The following MMP26 variants were observed in gnomAD, a reference collection of about 807,000 sequenced individuals.
The protein encoded by MMP26 is matrix metalloproteinase-26.
Under a neutral mutation model 31.0 loss-of-function variants are expected in MMP26, and 33 were observed. That is an observed-to-expected ratio of 1.06 (90% confidence interval 0.81 to 1.42). MMP26 has a LOEUF of 1.42. Ranked by LOEUF, MMP26 falls within the 40% of genes most tolerant of loss-of-function variation. MMP26 has a pLI of 0.00. For missense variants in MMP26, 347 were observed against 316.1 expected (o/e 1.10, Z -0.74); for synonymous variants, 122 against 114.9 (o/e 1.06, Z -0.40).
chr11:4,786,140 T>C (rs1226197758), intron 2 of MMP26, among the ~76,000 whole-genome samples: 1 of 152,132 alleles, frequency 6.6e-6, no homozygotes, highest in Non-Finnish European at 1.5e-5. Context: ...TGTGTGAAAC[T>C]GCAGGACCCT....
At chr11:4,771,259 T>C (rs762699716) in intron 2 of MMP26, among the ~76,000 whole-genome samples, 4 of 152,102 alleles carry the variant, frequency 2.6e-5, no homozygotes, top group Non-Finnish European at 4.4e-5. Context: ...AAGAAAGTAG[T>C]GGGTGATTAA....
In MMP26 at chr11:4,743,041, A is replaced by G. The variant is rs1848335124; in HGVS notation, c.-216-24229A>G. Among the ~76,000 whole-genome samples, 3 of 152,168 alleles carry G rather than the reference A, an allele frequency of 2.0e-5. No homozygotes were observed. In the South Asian group the frequency reaches 6.2e-4, roughly 32 times the overall value. On this transcript the variant is annotated intron_variant, in intron 1 of 7. Transcript: ENST00000380390. The stretch of plus-strand genomic sequence containing the variant: ...AAAAGCTCCATTATGCTACACATCA[A>G]TGCTTTTCTATGGTGGTGAAAATTA...
intron 2 of MMP26, among the ~76,000 whole-genome samples, chr11:4,916,155 A>T (rs1165402929): frequency 4.6e-5 from 2 of 43,240 alleles, no homozygotes; most frequent in African/African-American, 7.5e-5. Context: ...AGTCTCTACT[A>T]AAAAAAAAAA....
At chr11:4,727,347 T>C (rs1008446640) in intron 1 of MMP26, among the ~76,000 whole-genome samples, 2 of 152,174 alleles carry the variant, frequency 1.3e-5, no homozygotes, top group African/African-American at 4.8e-5. Flanking sequence ...CATCACATGG[T>C]CTGTTTAATA....
intron 2 of MMP26, among the ~76,000 whole-genome samples, chr11:4,864,289 A>G (rs1167856077): frequency 6.6e-6 from 1 of 152,186 alleles, no homozygotes; most frequent in Non-Finnish European, 1.5e-5. Context: ...TGCATTAATG[A>G]GGTAATTCTT....
chr11:4,929,717 TA>T (rs1851320645), intron 2 of MMP26, among the ~76,000 whole-genome samples: 1 of 152,142 alleles, frequency 6.6e-6, no homozygotes, highest in Admixed American at 6.6e-5. Flanking sequence ...ACTCATTATT[TA>T]GATGCTTTAG....
intron 2 of MMP26, among the ~76,000 whole-genome samples, chr11:4,823,206 T>C (rs1262995212): frequency 2.6e-5 from 4 of 151,588 alleles, no homozygotes; most frequent in Non-Finnish European, 5.9e-5. Context: ...AAGTGAATAC[T>C]CTGTAGTGAA....
chr11:4,815,149 G>T (rs1849404246), intron 2 of MMP26, among the ~76,000 whole-genome samples: 1 of 152,180 alleles, frequency 6.6e-6, no homozygotes, highest in African/African-American at 2.4e-5. Flanking sequence ...ACACGTGAGG[G>T]GGTGGGTAGA....
intron 2 of MMP26, among the ~76,000 whole-genome samples, chr11:4,837,254 C>T (rs930244433): frequency 4.6e-5 from 7 of 152,144 alleles, no homozygotes; most frequent in Non-Finnish European, 4.4e-5. Flanking sequence ...GTTGTCCATG[C>T]GGGGTTGCAG....
chr11:4,706,750 G>T (rs978006166), intron 1 of MMP26, among the ~76,000 whole-genome samples: 2 of 152,046 alleles, frequency 1.3e-5, no homozygotes, highest in Non-Finnish European at 2.9e-5. Context: ...CTTTATACCT[G>T]TTTAACAGCA....
At chr11:4,869,182 A>C (rs1453942891) in intron 2 of MMP26, among the ~76,000 whole-genome samples, 1 of 152,186 alleles carries the variant, frequency 6.6e-6, no homozygotes, top group African/African-American at 2.4e-5. Flanking sequence ...CTAAAACACC[A>C]AAAGCAATGG....
chr11:4,909,787 G>T (rs1021407904), intron 2 of MMP26, among the ~76,000 whole-genome samples: 1 of 152,112 alleles, frequency 6.6e-6, no homozygotes, highest in Non-Finnish European at 1.5e-5. Context: ...TTCAGTAGCT[G>T]TGCAGTAACT....
intron 2 of MMP26, chr11:4,915,323 A>G (rs1851065689): frequency 1.2e-6 from 2 of 1,614,022 alleles, no homozygotes; most frequent in Non-Finnish European, 1.7e-6. Flanking sequence ...GGACTCGAGG[A>G]AGGAGAAGCA....
chr11:4,893,180 AT>A (rs1263511008), intron 2 of MMP26, among the ~76,000 whole-genome samples: 1 of 152,110 alleles, frequency 6.6e-6, no homozygotes, highest in Non-Finnish European at 1.5e-5. Context: ...TTTATGTTTT[AT>A]ATCAAATATA....
At chr11:4,821,459 T>A (rs1294290766) in intron 2 of MMP26, 1 of 1,613,822 alleles carries the variant, frequency 6.2e-7, no homozygotes, top group East Asian at 2.2e-5. Context: ...GAGCCTCTGA[T>A]CTTCCTCCTG....
intron 2 of MMP26, among the ~76,000 whole-genome samples, chr11:4,924,661 A>T (rs893787273): frequency 6.6e-6 from 1 of 152,224 alleles, no homozygotes; most frequent in African/African-American, 2.4e-5. Flanking sequence ...GAGATATGAT[A>T]CGAGATGTAT....
At chr11:4,906,283 G>A (rs1850886811) in intron 2 of MMP26, among the ~76,000 whole-genome samples, 1 of 152,194 alleles carries the variant, frequency 6.6e-6, no homozygotes, top group Non-Finnish European at 1.5e-5. Context: ...AATATTTACA[G>A]ATACTTGTTT....
rs1564820224 is a variant in MMP26, at chr11:4,988,191, T to A, written c.-21T>A. 1 of 1,610,434 alleles carries A rather than the reference T, an allele frequency of 6.2e-7. No homozygotes were observed. Among genetic ancestry groups the A allele is most frequent in the Admixed American group, 1.7e-5 (1 of 60,000 alleles). ...AAGTTGTGTACCTGAATTCAAGCAGTGGGACAAATGAGGGTTTGGCATGCA... is the reference window on the plus strand; with the variant it reads ...AAGTTGTGTACCTGAATTCAAGCAGAGGGACAAATGAGGGTTTGGCATGCA... On this transcript the variant is annotated 5_prime_UTR_variant, in exon 3 of 8. Coordinates refer to ENST00000380390, the MANE Select transcript of MMP26 (RefSeq NM_021801.5).
chr11:4,887,137 AT>A (rs1413729339), intron 2 of MMP26, among the ~76,000 whole-genome samples: 4 of 151,826 alleles, frequency 2.6e-5, no homozygotes, highest in Admixed American at 6.6e-5. Context: ...TGATTATTCT[AT>A]TTTTTTGTTC....
Sources: gnomAD v4.1 joint callset for allele counts (sites outside exome capture counted in the v4.1 genomes callset) on GRCh38, gnomAD v4.1.1 for gene constraint, MANE v1.5 for transcripts, NCBI Gene and HGNC (gene_info 2026-07-23, HGNC 2026-07-21) for gene names.